The following ZFHX3 variants were observed in gnomAD, a reference collection of about 807,000 sequenced individuals.
ZFHX3 encodes the protein zinc finger homeobox protein 3.
A neutral mutation model predicts 279.1 loss-of-function variants in ZFHX3; 42 were observed. The observed-to-expected ratio is 0.15, with a 90% CI of 0.12 to 0.19. The LOEUF (loss-of-function observed/expected upper bound fraction) is 0.19, where lower values mean the gene tolerates loss of function less well. Ranked by LOEUF, ZFHX3 falls within the 10% of genes least tolerant of loss-of-function variation. The pLI is 1.00. For synonymous variants in ZFHX3, 2,293 were observed against 1,957.8 expected (o/e 1.17, Z -4.52); for missense variants, 4,981 against 4,754.0 (o/e 1.05, Z -1.40).
chr16:73,613,013 C>A (rs573108428), intron 2 of ZFHX3, among the ~76,000 whole-genome samples: 1 of 152,132 alleles, frequency 6.6e-6, no homozygotes, highest in Admixed American at 6.5e-5. Flanking sequence ...GGAGAAAATT[C>A]TCTAAGAGGA....
rs547416419 is a variant in ZFHX3 at position 73,422,409 on chromosome 16, TC to T, written c.-1291+33593del. Among the ~76,000 whole-genome samples the T allele has an allele frequency of 2.5e-3, 388 of 152,184 alleles. 1 individual carries two copies. Among genetic ancestry groups the T allele is most frequent in the Non-Finnish European group, 4.0e-3 (270 of 68,006 alleles). The stretch of plus-strand genomic sequence containing the variant: ...CTTATTCTTTTTTAGTAATACCAAT[TC>T]CCTGAAGTCAGGGGCCACCCTGTCT... On this transcript the variant is annotated intron_variant, in intron 3 of 17. Transcript: ENST00000641206.
chr16:73,173,021 T>G (rs1347501340), intron 5 of ZFHX3, among the ~76,000 whole-genome samples: 17 of 107,360 alleles, frequency 1.6e-4, no homozygotes, highest in South Asian at 8.2e-4. Context: ...TTTTTTTTTT[T>G]TTTTTGGGAG....
chr16:73,774,017 A>G (rs1213205466), intron 1 of ZFHX3, among the ~76,000 whole-genome samples: 4 of 152,156 alleles, frequency 2.6e-5, no homozygotes, highest in African/African-American at 9.7e-5. Context: ...ATGTGCTTGT[A>G]GTCCCAGCTA....
intron 1 of ZFHX3, among the ~76,000 whole-genome samples, chr16:73,783,388 A>G (rs1959537494): frequency 6.6e-6 from 1 of 152,116 alleles, no homozygotes; most frequent in Admixed American, 6.5e-5. Flanking sequence ...TCCCCAGTGT[A>G]TGTCCCCAAA....
chr16:72,871,095 TGGG>T (rs1489908771), intron 4 of ZFHX3, among the ~76,000 whole-genome samples: 1 of 152,196 alleles, frequency 6.6e-6, no homozygotes, highest in Non-Finnish European at 1.5e-5. Flanking sequence ...TGCTAATATT[TGGG>T]GAATGCAGGT....
At chr16:73,464,748 G>A (rs148634237) in intron 2 of ZFHX3, among the ~76,000 whole-genome samples, 16 of 152,340 alleles carry the variant, frequency 1.1e-4, no homozygotes, top group African/African-American at 2.9e-4. Flanking sequence ...CAGCTGTGCT[G>A]GGGCTCGGTC....
chr16:73,562,725 AAAG>A (rs1211440945), intron 2 of ZFHX3, among the ~76,000 whole-genome samples: 1 of 152,154 alleles, frequency 6.6e-6, no homozygotes, highest in Non-Finnish European at 1.5e-5. Context: ...TCAAAAAAAA[AAAG>A]AACAGACAAA....
Position 73,665,462 on chromosome 16 carries a change from C to T in ZFHX3, c.-1547+14718G>A, listed in dbSNP as rs569604719. Among the ~76,000 whole-genome samples the T allele has an allele frequency of 2.6e-5, 4 of 151,928 alleles. No individual in the cohort carries two copies. In the East Asian group the frequency reaches 7.8e-4, roughly 29 times the overall value. The stretch of plus-strand genomic sequence containing the variant: ...CTCCTGACCTCAAGTGATACACCCA[C>T]CTCGGCCTCCCAAAGTGTTGGGATT... On this transcript the variant is annotated intron_variant, in intron 2 of 17. Transcript: ENST00000641206.
chr16:73,567,249 T>G (rs994038905), intron 2 of ZFHX3, among the ~76,000 whole-genome samples: 3 of 151,628 alleles, frequency 2.0e-5, no homozygotes, highest in Admixed American at 6.6e-5. Flanking sequence ...TGCAGCTCCT[T>G]ACTGATTACA....
intron 2 of ZFHX3, among the ~76,000 whole-genome samples, chr16:73,589,056 C>T (rs1198232908): frequency 6.6e-6 from 1 of 151,052 alleles, no homozygotes; most frequent in Non-Finnish European, 1.5e-5. Flanking sequence ...GTCAGCAAAT[C>T]GAGACCATCC....
intron 4 of ZFHX3, among the ~76,000 whole-genome samples, chr16:72,845,904 C>G (rs1280204346): frequency 1.3e-5 from 2 of 152,166 alleles, no homozygotes; most frequent in African/African-American, 2.4e-5. Context: ...GGTCACATAG[C>G]TAGGAGGTGA....
intron 3 of ZFHX3, among the ~76,000 whole-genome samples, chr16:73,407,145 T>C (rs572029502): frequency 3.3e-5 from 5 of 152,304 alleles, no homozygotes; most frequent in East Asian, 3.9e-4. Flanking sequence ...CCAAGGATGC[T>C]GCTAAACATT....
At chr16:73,045,725 C>T (rs1047010478) in intron 1 of ZFHX3, among the ~76,000 whole-genome samples, 22 of 137,854 alleles carry the variant, frequency 1.6e-4, no homozygotes, top group Middle Eastern at 4.1e-3. Context: ...CCCTGTTCAT[C>T]AACACTGTTT....
At chr16:72,816,972 A>G (rs1488404510) in intron 5 of ZFHX3, among the ~76,000 whole-genome samples, 1 of 151,844 alleles carries the variant, frequency 6.6e-6, no homozygotes, top group African/African-American at 2.4e-5. Flanking sequence ...TACTCATGTT[A>G]GTTAGAGGGA....
In ZFHX3 at chr16:73,109,736, C is replaced by T. The variant is rs997423008; in HGVS notation, c.-896-16138G>A. On this transcript the variant is annotated intron_variant, in intron 7 of 17. Coordinates refer to the ZFHX3 transcript ENST00000641206. ...TGGTGGTGCACACCTGTAGTCCCAG[C>T]TACTTGGGAGGCTGAGGCACGAGAG... 5.3e-5 allele frequency among the ~76,000 whole-genome samples: 8 copies of T among 152,176 alleles called. No individual in the cohort carries two copies. In the East Asian group the frequency reaches 1.4e-3, roughly 26 times the overall value.
At chr16:73,073,403 A>G (rs1019726449) in intron 8 of ZFHX3, among the ~76,000 whole-genome samples, 16 of 152,222 alleles carry the variant, frequency 1.1e-4, no homozygotes, top group African/African-American at 3.6e-4. Flanking sequence ...CTCTTCAGAT[A>G]TGCTGGAAAT....
chr16:73,697,100 A>T (rs1256248182), intron 1 of ZFHX3, among the ~76,000 whole-genome samples: 3 of 152,220 alleles, frequency 2.0e-5, no homozygotes, highest in Non-Finnish European at 4.4e-5. Context: ...GAATGGAAAA[A>T]ATATTTTAAG....
At position 72,797,617 on chromosome 16, in the gene ZFHX3, C is replaced by T; in HGVS notation, c.5065G>A (p.Gly1689Arg). 6.2e-7 allele frequency: 1 copy of T among 1,614,168 alleles called. No homozygotes were observed. Among genetic ancestry groups the T allele is most frequent in the Non-Finnish European group, 8.5e-7 (1 of 1,180,036 alleles). Residue 1689 changes from glycine (G) to arginine (R), a missense_variant, in exon 9 of 10, where the codon GGG (glycine) becomes AGG (arginine). Physicochemically the swap from Gly to Arg is moderately radical, Grantham distance 125. This residue lies in a region of ZFHX3 where 1,751 missense variants were observed against 1,770.0 expected (regional missense o/e 0.99). Transcript: ENST00000268489. ...LLSQVPTESV[G>R]MPPLGNPIGA... ...ATAGGATTCCCCAGGGGTGGCATCC[C>T]TACACTCTCAGTGGGCACTTGGCTT...
At chr16:73,213,423 G>A (rs1347282112) in intron 5 of ZFHX3, among the ~76,000 whole-genome samples, 1 of 152,096 alleles carries the variant, frequency 6.6e-6, no homozygotes, top group East Asian at 1.9e-4. Flanking sequence ...AACTTAGCTC[G>A]ACCCACATGT....
Sources: gnomAD v4.1 joint callset for allele counts (sites outside exome capture counted in the v4.1 genomes callset) on GRCh38, gnomAD v4.1.1 for gene constraint, gnomAD v4.1.1 regional missense constraint, MANE v1.5 for transcripts, NCBI Gene and HGNC (gene_info 2026-07-23, HGNC 2026-07-21) for gene names.